The following DDC variants were observed in gnomAD, a reference collection of about 807,000 sequenced individuals.
The protein encoded by DDC is aromatic-L-amino-acid decarboxylase.
DDC carries 43 observed loss-of-function variants against 60.0 expected under a neutral mutation model. The observed-to-expected ratio is 0.72, with a 90% CI of 0.56 to 0.92. The LOEUF is 0.92. DDC is among the 40% of genes least tolerant of loss of function. DDC has a pLI of 0.00. For missense variants in DDC, 573 were observed against 620.2 expected (o/e 0.92, Z 0.81); for synonymous variants, 232 against 234.6 (o/e 0.99, Z 0.10).
intron 6 of DDC, among the ~76,000 whole-genome samples, chr7:50,511,135 G>A (rs1252343905): frequency 2.0e-5 from 3 of 147,572 alleles, no homozygotes; most frequent in Non-Finnish European, 3.0e-5. Context: ...TGAATTTTAT[G>A]AATACATAAA....
chr7:50,473,959 A>T (rs2042586221), intron 11 of DDC, among the ~76,000 whole-genome samples: 1 of 152,126 alleles, frequency 6.6e-6, no homozygotes, highest in Non-Finnish European at 1.5e-5. Context: ...GGCCTCACTC[A>T]CCTCTGAGTA....
chr7:50,494,324 G>A (rs2043074496), intron 9 of DDC, among the ~76,000 whole-genome samples: 1 of 152,070 alleles, frequency 6.6e-6, no homozygotes, highest in Admixed American at 6.6e-5. Context: ...TGCCTAACAC[G>A]GTGAAACCTC....
chr7:50,513,894 G>C (rs897631114), intron 6 of DDC, among the ~76,000 whole-genome samples: 2 of 152,034 alleles, frequency 1.3e-5, no homozygotes, highest in South Asian at 4.2e-4. Context: ...ACCCACCCTA[G>C]TAGCGAAAGA....
intron 10 of DDC, among the ~76,000 whole-genome samples, chr7:50,478,771 G>A (rs2042704307): frequency 6.6e-6 from 1 of 151,998 alleles, no homozygotes; most frequent in Non-Finnish European, 1.5e-5. Flanking sequence ...GTACATGTGG[G>A]AAGGGCAGCT....
intron 7 of DDC, among the ~76,000 whole-genome samples, chr7:50,502,032 C>T (rs890628011): frequency 2.0e-5 from 3 of 152,060 alleles, no homozygotes; most frequent in East Asian, 1.9e-4. Flanking sequence ...TGAGATTGTG[C>T]CACTCCAGCC....
intron 11 of DDC, among the ~76,000 whole-genome samples, chr7:50,471,015 G>A (rs2042518161): frequency 6.6e-6 from 1 of 152,220 alleles, no homozygotes; most frequent in Non-Finnish European, 1.5e-5. Context: ...GCGCAGCTGG[G>A]CCATCTGCCG....
rs7811992 is a variant in DDC at position 50,522,638 on chromosome 7, G to A, written c.714+5499C>T. ...ACTGATCTTTGACAAAGGAACAAAA[G>A]CAATTCAATGGAGGAAGTGTAGTAT... On this transcript the variant is annotated intron_variant, in intron 6 of 14. Coordinates refer to ENST00000444124, the MANE Select transcript of DDC (RefSeq NM_001082971.2). Among the ~76,000 whole-genome samples the A allele has an allele frequency of 3.0e-3, 460 of 152,308 alleles. 1 individual carries two copies. The highest frequency in any genetic ancestry group is 9.7e-3 in the African/African-American group (402 of 41,564).
chr7:50,463,960 C>T (rs974843549), intron 13 of DDC, among the ~76,000 whole-genome samples: 9 of 152,020 alleles, frequency 5.9e-5, no homozygotes, highest in African/African-American at 2.2e-4. Context: ...CGCAGAGGCC[C>T]CACCCCTCCC....
At chr7:50,467,076 C>T in intron 13 of DDC, 138 bp downstream of exon 13, 2 of 837,690 alleles carry the variant, frequency 2.4e-6, no homozygotes, top group Middle Eastern at 2.2e-4. Context: ...CAGGGCAGGC[C>T]GGTGGGCCAA....
intron 1 of DDC, among the ~76,000 whole-genome samples, chr7:50,562,920 C>A (rs958953896): frequency 1.2e-4 from 19 of 152,072 alleles, no homozygotes; most frequent in African/African-American, 2.7e-4. Context: ...GTAATCCCAG[C>A]CTTTGGGAGG....
intron 11 of DDC, among the ~76,000 whole-genome samples, chr7:50,475,101 T>C (rs1017637625): frequency 1.3e-5 from 2 of 152,258 alleles, no homozygotes; most frequent in Middle Eastern, 3.4e-3. Flanking sequence ...GCAATTTTAG[T>C]TTCAGTGCCA....
intron 1 of DDC, among the ~76,000 whole-genome samples, chr7:50,562,642 C>T (rs1392854501): frequency 6.6e-6 from 1 of 152,194 alleles, no homozygotes; most frequent in Non-Finnish European, 1.5e-5. Context: ...GAGGACTGGC[C>T]AGGAGCTTGG....
chr7:50,512,833 G>A (rs1296741962), intron 6 of DDC, among the ~76,000 whole-genome samples: 1 of 152,146 alleles, frequency 6.6e-6, no homozygotes, highest in Admixed American at 6.5e-5. Flanking sequence ...GATACAGACA[G>A]TGTGAAGACT....
At chr7:50,521,935 A>G (rs2043902990) in intron 6 of DDC, among the ~76,000 whole-genome samples, 1 of 152,028 alleles carries the variant, frequency 6.6e-6, no homozygotes, top group African/African-American at 2.4e-5. Flanking sequence ...CAGCTAATGC[A>G]ATAAGACAAG....
intron 1 of DDC, among the ~76,000 whole-genome samples, chr7:50,559,213 C>G (rs924386778): frequency 6.6e-6 from 1 of 152,120 alleles, no homozygotes; most frequent in Non-Finnish European, 1.5e-5. Flanking sequence ...CCTCTCAGCC[C>G]GCACAGCTCA....
intron 9 of DDC, among the ~76,000 whole-genome samples, chr7:50,492,429 T>C (rs1490997591): frequency 6.6e-6 from 1 of 152,246 alleles, no homozygotes; most frequent in Non-Finnish European, 1.5e-5. Flanking sequence ...CTTTGACTCT[T>C]GTTCTGTCGA....
Position 50,540,038 on chromosome 7 carries a change from AG to A in DDC, c.202-11del. On this transcript the variant is annotated splice_polypyrimidine_tract_variant and intron_variant, in intron 2 of 14. Transcript: ENST00000444124. ...TGTGCCAGTGCGTCACCTGCATGGG[AG>A]GACAGAGCAGCTGCTGAGGAGTGAG... is the stretch of plus-strand genomic sequence containing the variant. The A allele has an allele frequency of 6.2e-7, 1 of 1,602,834 alleles. No individual in the cohort carries two copies. The highest frequency in any genetic ancestry group is 8.5e-7 in the Non-Finnish European group (1 of 1,171,320).
In DDC at chr7:50,468,882, C is replaced by T. The variant is rs185821579; in HGVS notation, c.1140+1191G>A. On this transcript the variant is annotated intron_variant, in intron 12 of 14. Coordinates refer to ENST00000444124, the MANE Select transcript of DDC (RefSeq NM_001082971.2). The stretch of plus-strand genomic sequence containing the variant: ...AGCAGGCCTTCTGCAGCTGGCTAAA[C>T]GGGTGGCTCTAGGCAGATCCAGGCT... Among the ~76,000 whole-genome samples, 285 of 150,524 alleles carry T rather than the reference C, an allele frequency of 1.9e-3. 1 individual carries two copies. Among genetic ancestry groups the T allele is most frequent in the African/African-American group, 6.7e-3 (274 of 40,926 alleles).
intron 3 of DDC, among the ~76,000 whole-genome samples, chr7:50,538,453 T>C (rs142229718): frequency 3.7e-4 from 56 of 152,292 alleles, no homozygotes; most frequent in African/African-American, 1.3e-3. Flanking sequence ...CAAAGGTGGA[T>C]TGAGTCTCCA....
Sources: allele counts gnomAD v4.1 joint callset (sites outside exome capture counted in the v4.1 genomes callset), GRCh38; gene constraint gnomAD v4.1.1; transcripts MANE v1.5; gene names NCBI Gene and HGNC (gene_info 2026-07-23, HGNC 2026-07-21).